LRIG1: variants seen among roughly 807,000 people sequenced by gnomAD.
The protein encoded by LRIG1 is leucine-rich repeats and immunoglobulin-like domains protein 1.
In LRIG1, 48 loss-of-function variants were observed where a neutral mutation model predicts 99.2. That is an observed-to-expected ratio of 0.48 (90% CI 0.38 to 0.62). LRIG1 has a LOEUF of 0.62. Among genes scored for constraint, LRIG1 ranks in the 20% least tolerant of loss-of-function variants. LRIG1 has a pLI of 0.00. For synonymous variants in LRIG1, 772 were observed against 596.1 expected (o/e 1.29, Z -4.30); for missense variants, 1,646 against 1,434.4 (o/e 1.15, Z -2.38).
intron 1 of LRIG1, among the ~76,000 whole-genome samples, chr3:66,466,982 C>G (rs1405324956): frequency 1.3e-5 from 2 of 152,212 alleles, no homozygotes; most frequent in Non-Finnish European, 1.5e-5. Context: ...GTGCGCAGAT[C>G]TCTGAACAAC....
intron 1 of LRIG1, among the ~76,000 whole-genome samples, chr3:66,482,645 G>A (rs1045418482): frequency 2.0e-5 from 3 of 152,070 alleles, no homozygotes; most frequent in Admixed American, 1.3e-4. Context: ...TATCTGAATT[G>A]GGTAACTCAT....
intron 1 of LRIG1, among the ~76,000 whole-genome samples, chr3:66,487,021 T>C (rs935886275): frequency 6.6e-6 from 1 of 152,184 alleles, no homozygotes; most frequent in Non-Finnish European, 1.5e-5. Context: ...CTTTCAATTA[T>C]ATTTCCAAAT....
At chr3:66,423,540 C>T (rs1341151127) in intron 3 of LRIG1, among the ~76,000 whole-genome samples, 1 of 152,228 alleles carries the variant, frequency 6.6e-6, no homozygotes, top group Non-Finnish European at 1.5e-5. Context: ...CACCGCACTC[C>T]AGCCTGGGCA....
chr3:66,424,336 G>T (rs1301637517), intron 3 of LRIG1, among the ~76,000 whole-genome samples: 1 of 151,890 alleles, frequency 6.6e-6, no homozygotes, highest in East Asian at 1.9e-4. Flanking sequence ...GCTGGTCTAA[G>T]ATACCCTCTC....
At chr3:66,394,496 C>G (rs531517139) in intron 11 of LRIG1, among the ~76,000 whole-genome samples, 7 of 152,362 alleles carry the variant, frequency 4.6e-5, no homozygotes, top group Middle Eastern at 6.8e-3. Context: ...AGGACCGCAA[C>G]TGGAGCAGCA....
chr3:66,402,589 C>T (rs1320704771), intron 9 of LRIG1, among the ~76,000 whole-genome samples: 2 of 152,122 alleles, frequency 1.3e-5, no homozygotes, highest in African/African-American at 2.4e-5. Flanking sequence ...AGTAACTCAG[C>T]GAAGGCAGGG....
chr3:66,453,933 T>G (rs1703987723), intron 2 of LRIG1, among the ~76,000 whole-genome samples: 1 of 152,126 alleles, frequency 6.6e-6, no homozygotes, highest in Non-Finnish European at 1.5e-5. Context: ...CAGAAATAAA[T>G]GAACAAGGGA....
At chr3:66,445,263 G>T (rs1250200544) in intron 3 of LRIG1, among the ~76,000 whole-genome samples, 2 of 151,192 alleles carry the variant, frequency 1.3e-5, no homozygotes, top group African/African-American at 4.9e-5. Flanking sequence ...TACCCAAATG[G>T]TAAAAGTAAG....
intron 12 of LRIG1, chr3:66,387,688 G>A (rs1037502930): frequency 7.9e-5 from 12 of 151,936 alleles, no homozygotes; most frequent in Non-Finnish European, 1.8e-4. Flanking sequence ...AAAAAAAGCA[G>A]TCAACAGAAA....
intron 13 of LRIG1, among the ~76,000 whole-genome samples, chr3:66,385,056 G>C (rs1345043082): frequency 6.6e-6 from 1 of 152,166 alleles, no homozygotes; most frequent in African/African-American, 2.4e-5. Flanking sequence ...TGATTCTCAA[G>C]CCAATTCTTT....
At chr3:66,414,058 G>T (rs1449996294) in intron 5 of LRIG1, among the ~76,000 whole-genome samples, 1 of 152,024 alleles carries the variant, frequency 6.6e-6, no homozygotes, top group Non-Finnish European at 1.5e-5. Flanking sequence ...TTCTAGAAGG[G>T]TACTCAGCCT....
At chr3:66,487,758 G>A (rs958285994) in intron 1 of LRIG1, among the ~76,000 whole-genome samples, 8 of 152,164 alleles carry the variant, frequency 5.3e-5, no homozygotes, top group African/African-American at 1.7e-4. Context: ...GAAGAAGGGT[G>A]GGAACATCAT....
At chr3:66,418,100 T>C (rs1702674949) in intron 3 of LRIG1, among the ~76,000 whole-genome samples, 1 of 147,634 alleles carries the variant, frequency 6.8e-6, no homozygotes, top group South Asian at 2.1e-4. Flanking sequence ...TTTGTTTTTG[T>C]TTTTGTTTTT....
At chr3:66,396,052 T>C (rs1179616076) in intron 11 of LRIG1, among the ~76,000 whole-genome samples, 1 of 152,242 alleles carries the variant, frequency 6.6e-6, no homozygotes, top group African/African-American at 2.4e-5. Flanking sequence ...ATCAGACACA[T>C]GTAGAAAGGG....
chr3:66,448,512 T>C (rs1419991888), intron 3 of LRIG1, among the ~76,000 whole-genome samples: 1 of 151,984 alleles, frequency 6.6e-6, no homozygotes, highest in East Asian at 1.9e-4. Flanking sequence ...CTCTCAACTT[T>C]CGGGTCACAA....
At chr3:66,490,964 AC>A (rs1701088441) in intron 1 of LRIG1, among the ~76,000 whole-genome samples, 1 of 152,234 alleles carries the variant, frequency 6.6e-6, no homozygotes, top group African/African-American at 2.4e-5. Context: ...CCCCTCACCA[AC>A]AAAGTACCGG....
At chr3:66,493,935 A>G (rs1163572765) in intron 1 of LRIG1, among the ~76,000 whole-genome samples, 1 of 151,396 alleles carries the variant, frequency 6.6e-6, no homozygotes, top group South Asian at 2.1e-4. Context: ...AAGAAAAAAG[A>G]AAAAGAAAAC....
In LRIG1 at chr3:66,413,004, G is replaced by T; in HGVS notation, c.658C>A (p.Arg220=). ...CCCTCTATCAGCCGAATCCTGTTCC[G>T]ATTGAGGTCCCTAAAGAGATGAAGC... ...LPRLTQLDLN[R]NRIRLIEGLT... Residue 220 remains arginine, a synonymous_variant, in exon 6 of 19, where the codon CGG becomes AGG. Coordinates refer to ENST00000273261, the MANE Select transcript of LRIG1 (RefSeq NM_015541.3). 1 of 1,614,212 alleles carries T rather than the reference G, an allele frequency of 6.2e-7. No homozygotes were observed. Among genetic ancestry groups the T allele is most frequent in the Non-Finnish European group, 8.5e-7 (1 of 1,180,034 alleles).
intron 3 of LRIG1, among the ~76,000 whole-genome samples, chr3:66,419,925 T>C (rs1043977216): frequency 2.6e-5 from 4 of 152,176 alleles, no homozygotes; most frequent in Admixed American, 6.5e-5. Context: ...CATGGGCTAC[T>C]GACTAGACCT....
Sources: allele counts gnomAD v4.1 joint callset (sites outside exome capture counted in the v4.1 genomes callset), GRCh38; gene constraint gnomAD v4.1.1; transcripts MANE v1.5; gene names NCBI Gene and HGNC (gene_info 2026-07-23, HGNC 2026-07-21).